RFX3: variants seen among roughly 807,000 people sequenced by gnomAD.
RFX3 encodes regulatory factor X3, also known as transcription factor RFX3.
In RFX3, 14 loss-of-function variants were observed where a neutral mutation model predicts 98.6. That is an observed-to-expected ratio of 0.14 (90% CI 0.09 to 0.22). The LOEUF (loss-of-function observed/expected upper bound fraction) is 0.22. RFX3 is among the 10% of genes least tolerant of loss of function. RFX3 has a pLI of 1.00. For synonymous variants in RFX3, 383 were observed against 328.4 expected, an observed-to-expected ratio of 1.17 and a Z score of -1.80; for missense variants, 639 against 926.9, an observed-to-expected ratio of 0.69 and a Z score of 4.03.
intron 4 of RFX3, among the ~76,000 whole-genome samples, chr9:3,314,332 T>G (rs1830316590): frequency 6.6e-6 from 1 of 152,198 alleles, no homozygotes; most frequent in South Asian, 2.1e-4. Context: ...TGAGAGACTT[T>G]GTCACCACCA....
At chr9:3,440,626 A>G (rs1845532374) in intron 1 of RFX3, among the ~76,000 whole-genome samples, 1 of 152,208 alleles carries the variant, frequency 6.6e-6, no homozygotes, top group South Asian at 2.1e-4. Flanking sequence ...CATGGGTTAC[A>G]TGACCCAATA....
chr9:3,431,983 G>C (rs77340885), intron 1 of RFX3, among the ~76,000 whole-genome samples: 1 of 152,134 alleles, frequency 6.6e-6, no homozygotes, highest in Non-Finnish European at 1.5e-5. Flanking sequence ...TGCAAATGCC[G>C]TCGGGTTTAT....
intron 1 of RFX3, among the ~76,000 whole-genome samples, chr9:3,478,871 T>C (rs954732706): frequency 2.0e-5 from 3 of 152,214 alleles, no homozygotes; most frequent in Admixed American, 6.5e-5. Flanking sequence ...TGCCAACAGT[T>C]TGCTATTGTT....
intron 1 of RFX3, among the ~76,000 whole-genome samples, chr9:3,514,151 A>G (rs894224915): frequency 2.0e-5 from 3 of 152,200 alleles, no homozygotes; most frequent in African/African-American, 7.2e-5. Flanking sequence ...AACTACACGA[A>G]GGTCATTCAA....
intron 1 of RFX3, among the ~76,000 whole-genome samples, chr9:3,507,135 G>C (rs1042346404): frequency 5.3e-5 from 8 of 151,740 alleles, no homozygotes; most frequent in Admixed American, 2.0e-4. Context: ...AATTTAAAAA[G>C]ATTAAGCATT....
chr9:3,424,330 C>T (rs1334879732), intron 1 of RFX3, among the ~76,000 whole-genome samples: 2 of 142,380 alleles, frequency 1.4e-5, no homozygotes, highest in African/African-American at 5.2e-5. Flanking sequence ...AGTAGAGTCA[C>T]TGTAATTACA....
At position 3,224,824 on chromosome 9, in the gene RFX3, A is replaced by T. The variant is rs1817588795; in HGVS notation, c.*218T>A. 2.3e-6 allele frequency: 1 copy of T among 442,040 alleles called. No homozygotes were observed. The highest frequency in any genetic ancestry group is 3.9e-5 in the Admixed American group (1 of 25,584). 27.4% of individuals were successfully genotyped at this position (442,040 alleles called of 1,614,324 possible). On this transcript the variant is annotated 3_prime_UTR_variant, in exon 17 of 17. Coordinates refer to ENST00000617270, the MANE Select transcript of RFX3 (RefSeq NM_001282116.2). ...AAATCCTTCTTGACACCTGAAACTA[A>T]GGGAAAAAATTCATTATTAAGAAGC...
intron 1 of RFX3, among the ~76,000 whole-genome samples, chr9:3,475,594 C>T (rs1297118742): frequency 6.6e-6 from 1 of 152,198 alleles, no homozygotes; most frequent in Non-Finnish European, 1.5e-5. Context: ...ATAGCATACG[C>T]TATTATTTCT....
intron 1 of RFX3, among the ~76,000 whole-genome samples, chr9:3,458,795 T>C (rs1487329923): frequency 2.0e-5 from 3 of 152,110 alleles, no homozygotes; most frequent in Admixed American, 6.5e-5. Context: ...AGGCTAAGTA[T>C]AAGACTAAGC....
intron 1 of RFX3, among the ~76,000 whole-genome samples, chr9:3,439,914 C>A (rs933280202): frequency 6.6e-6 from 1 of 152,004 alleles, no homozygotes; most frequent in African/African-American, 2.4e-5. Context: ...TACATCAGAA[C>A]TACGTAGAGT....
intron 1 of RFX3, among the ~76,000 whole-genome samples, chr9:3,406,917 A>C (rs1190367597): frequency 6.6e-6 from 1 of 152,222 alleles, no homozygotes; most frequent in African/African-American, 2.4e-5. Context: ...AAGTAAACTC[A>C]AATGAACGAA....
chr9:3,478,951 C>T (rs1181676103), intron 1 of RFX3, among the ~76,000 whole-genome samples: 1 of 152,118 alleles, frequency 6.6e-6, no homozygotes, highest in African/African-American at 2.4e-5. Flanking sequence ...ATCAAATATC[C>T]AGCCACTCTC....
intron 2 of RFX3, among the ~76,000 whole-genome samples, chr9:3,354,176 A>G (rs985565788): frequency 1.3e-5 from 2 of 152,068 alleles, no homozygotes; most frequent in African/African-American, 4.8e-5. Context: ...ACTAGGGGAC[A>G]GTATTTAGTA....
chr9:3,504,879 T>TTATATATGATATAATATATATTATATA (rs1816668373), intron 1 of RFX3, among the ~76,000 whole-genome samples: 2 of 53,184 alleles, frequency 3.8e-5, no homozygotes, highest in African/African-American at 9.1e-5. Context: ...ATTATATATA[T>TTATATATGATATAATATATATTATATA]TATATATAAT....
In RFX3 at chr9:3,349,592, CA is replaced by C. The variant is rs201001342; in HGVS notation, c.118-2829del. Among the ~76,000 whole-genome samples, 811 of 152,170 alleles carry C rather than the reference CA, an allele frequency of 5.3e-3. 9 individuals carry two copies. The highest frequency in any genetic ancestry group is 0.019 in the African/African-American group (781 of 41,522). On this transcript the variant is annotated intron_variant, in intron 2 of 16. Transcript: ENST00000617270. ...ATCTTACTTACTGCCCCCACACCCC[CA>C]ACAGGTAACCATTTTCACTATGTTT...
At chr9:3,358,999 C>T (rs946973256) in intron 2 of RFX3, among the ~76,000 whole-genome samples, 3 of 151,712 alleles carry the variant, frequency 2.0e-5, no homozygotes, top group Non-Finnish European at 4.4e-5. Context: ...GGGATTATTA[C>T]AATTCAAGGT....
At chr9:3,314,027 C>T (rs1377569247) in intron 4 of RFX3, among the ~76,000 whole-genome samples, 1 of 152,110 alleles carries the variant, frequency 6.6e-6, no homozygotes, top group Non-Finnish European at 1.5e-5. Flanking sequence ...GAGAACGCCA[C>T]AAAGATACTC....
intron 4 of RFX3, among the ~76,000 whole-genome samples, chr9:3,310,004 G>A (rs1268684269): frequency 1.3e-5 from 2 of 152,192 alleles, no homozygotes; most frequent in African/African-American, 2.4e-5. Flanking sequence ...AAGAGGCTTT[G>A]TGTGACCGTC....
In RFX3 at chr9:3,225,208, T is replaced by C. The variant is rs1163181055; in HGVS notation, c.2084A>G (p.Glu695Gly). 5.0e-6 allele frequency: 8 copies of C among 1,613,910 alleles called. No individual in the cohort carries two copies. The highest frequency in any genetic ancestry group is 6.8e-6 in the Non-Finnish European group (8 of 1,179,916). Residue 695 changes from glutamate to glycine, a missense_variant, in exon 17 of 17, where the codon GAG becomes GGG. Physicochemically the swap from Glu to Gly is moderately conservative, Grantham distance 98. Around this residue, in one of 9 missense-constraint regions of RFX3, gnomAD observed 129 missense variants for 124.6 expected, o/e 1.04. Coordinates refer to ENST00000617270, the MANE Select transcript of RFX3 (RefSeq NM_001282116.2). ...AAATGCCTGGCTCAGCTCTGTTTTC[T>C]CTCTTTTGGCTTGAGGCTCTGAAGA... ...DDSSEPQAKR[E>G]KTELSQAFPV...
Sources: gnomAD v4.1 joint callset for allele counts (sites outside exome capture counted in the v4.1 genomes callset) on GRCh38, gnomAD v4.1.1 for gene constraint, gnomAD v4.1.1 regional missense constraint, MANE v1.5 for transcripts, NCBI Gene and HGNC (gene_info 2026-07-23, HGNC 2026-07-21) for gene names.